Variants in HIVEP3 observed in about 807,000 individuals in gnomAD.
The protein encoded by HIVEP3 is transcription factor HIVEP3.
HIVEP3 carries 49 observed loss-of-function variants against 152.8 expected under a neutral mutation model. That is an observed-to-expected ratio of 0.32 (90% CI 0.26 to 0.41). HIVEP3 has a LOEUF of 0.41. Among genes scored for constraint, HIVEP3 ranks in the 10% least tolerant of loss-of-function variants. The pLI is 1.00. For missense variants in HIVEP3, 2,790 were observed against 3,103.3 expected (o/e 0.90, Z 2.40); for synonymous variants, 1,269 against 1,289.0 (o/e 0.98, Z 0.33).
intron 1 of HIVEP3, among the ~76,000 whole-genome samples, chr1:41,778,428 C>T (rs537935343): frequency 6.6e-6 from 1 of 152,198 alleles, no homozygotes; most frequent in Non-Finnish European, 1.5e-5. Context: ...CTGGCTACCA[C>T]GGGTCCCTGA....
Position 41,664,251 on chromosome 1 carries a change from G to A in HIVEP3, c.-720-35304C>T, listed in dbSNP as rs149865219. On this transcript the variant is annotated intron_variant, in intron 2 of 8. Coordinates refer to ENST00000372583, the MANE Select transcript of HIVEP3 (RefSeq NM_024503.5). This position sits in a 1 kb window ranked among gnomAD's most constrained non-coding sequence, Gnocchi z 4.4. ...CCCTGCCCCCACTGTCCTGCTTCCC[G>A]TTTTCTGTCTGAAAGCAACTCCAGG... 2.2e-3 allele frequency among the ~76,000 whole-genome samples: 341 copies of A among 152,272 alleles called. 3 individuals are homozygous for A. The highest frequency in any genetic ancestry group is 8.1e-3 in the African/African-American group (335 of 41,548).
chr1:41,971,398 T>G (rs1310484328), intron 1 of HIVEP3, among the ~76,000 whole-genome samples: 1 of 152,194 alleles, frequency 6.6e-6, no homozygotes, highest in African/African-American at 2.4e-5. Flanking sequence ...GATCACCGCC[T>G]ATTTTCCAGA....
At chr1:41,780,713 G>T (rs987806789) in intron 1 of HIVEP3, among the ~76,000 whole-genome samples, 11 of 152,282 alleles carry the variant, frequency 7.2e-5, no homozygotes, top group Non-Finnish European at 1.5e-4. Flanking sequence ...GCTTCTGTCT[G>T]GGGCTCGGGA....
rs139798092 is a variant in HIVEP3 at position 41,894,903 on chromosome 1, T to C, written c.-801+23510A>G. 4.6e-5 allele frequency among the ~76,000 whole-genome samples: 7 copies of C among 152,250 alleles called. No individual in the cohort carries two copies. In the East Asian group the frequency reaches 1.4e-3, roughly 29 times the overall value. On this transcript the variant is annotated intron_variant, in intron 1 of 8. Coordinates refer to ENST00000372583, the MANE Select transcript of HIVEP3 (RefSeq NM_024503.5). ...GCCTTACTAAGCAATCTAAAACACATACTCTAGAAGCACGCTGCAAGAGCT... is the reference window on the plus strand; with the variant it reads ...GCCTTACTAAGCAATCTAAAACACACACTCTAGAAGCACGCTGCAAGAGCT...
At chr1:41,751,546 C>A (rs1008518900) in intron 1 of HIVEP3, among the ~76,000 whole-genome samples, 3 of 152,020 alleles carry the variant, frequency 2.0e-5, no homozygotes, top group Admixed American at 2.0e-4. Context: ...GGGAAGTTCA[C>A]GAAATGAGCA....
At chr1:41,891,448 G>T (rs1329631051) in intron 1 of HIVEP3, among the ~76,000 whole-genome samples, 2 of 152,182 alleles carry the variant, frequency 1.3e-5, no homozygotes, top group African/African-American at 4.8e-5. Flanking sequence ...GTGTCACGGG[G>T]CAGAAGGGCT....
At chr1:41,575,222 T>C (rs941971) in intron 5 of HIVEP3, among the ~76,000 whole-genome samples, 42,426 of 152,152 alleles carry the variant, frequency 0.28, 7,266 homozygotes, top group Non-Finnish European at 0.39. Flanking sequence ...TTTGCTGGGA[T>C]ACTGGGATGG....
chr1:41,864,302 T>A (rs888010129), intron 1 of HIVEP3, among the ~76,000 whole-genome samples: 1 of 152,148 alleles, frequency 6.6e-6, no homozygotes, highest in African/African-American at 2.4e-5. Context: ...TTACAGAAAC[T>A]TAGAGGAGGT....
chr1:41,902,328 C>G (rs910174801), intron 1 of HIVEP3, among the ~76,000 whole-genome samples: 2 of 152,042 alleles, frequency 1.3e-5, no homozygotes, highest in African/African-American at 2.4e-5. Flanking sequence ...CCAGAGTGGT[C>G]GGTAGGAGAG....
chr1:41,758,388 G>T (rs918952054), intron 1 of HIVEP3, among the ~76,000 whole-genome samples: 5 of 152,170 alleles, frequency 3.3e-5, no homozygotes, highest in Non-Finnish European at 7.4e-5. Context: ...GCTGGGGGAG[G>T]ACACAGGACA....
At chr1:41,529,987 C>T (rs1485534022) in intron 5 of HIVEP3, among the ~76,000 whole-genome samples, 4 of 146,746 alleles carry the variant, frequency 2.7e-5, no homozygotes, top group Non-Finnish European at 6.0e-5. Flanking sequence ...CACCCATGCA[C>T]ACACACCACA....
chr1:41,774,631 A>C (rs1035292067), intron 1 of HIVEP3, among the ~76,000 whole-genome samples: 1 of 152,212 alleles, frequency 6.6e-6, no homozygotes, highest in Non-Finnish European at 1.5e-5. Context: ...AAAATAAATC[A>C]CATCTTTCCC....
intron 1 of HIVEP3, among the ~76,000 whole-genome samples, chr1:41,913,244 A>G (rs1644823644): frequency 6.6e-6 from 1 of 152,244 alleles, no homozygotes. Flanking sequence ...GCCTATGCAA[A>G]TATTTCTGCA....
chr1:42,006,617 A>AGT (rs1645461043), intron 1 of HIVEP3, among the ~76,000 whole-genome samples: 1 of 149,310 alleles, frequency 6.7e-6, no homozygotes, highest in Non-Finnish European at 1.5e-5. Flanking sequence ...TTCACACTTT[A>AGT]GTGAGTCTCT....
At chr1:41,797,177 C>T (rs1363901736) in intron 1 of HIVEP3, among the ~76,000 whole-genome samples, 1 of 152,210 alleles carries the variant, frequency 6.6e-6, no homozygotes, top group African/African-American at 2.4e-5. Flanking sequence ...ATTCCCAGGT[C>T]CCACACCTGG....
intron 5 of HIVEP3, among the ~76,000 whole-genome samples, chr1:41,562,635 C>CTTTCTT (rs1339783475): frequency 8.3e-4 from 79 of 95,740 alleles, no homozygotes; most frequent in African/African-American, 3.2e-3. Flanking sequence ...CTCTCTCTCC[C>CTTTCTT]TCTCTCTCTC....
At chr1:41,574,962 C>A (rs540442888) in intron 5 of HIVEP3, among the ~76,000 whole-genome samples, 1 of 152,344 alleles carries the variant, frequency 6.6e-6, no homozygotes, top group Non-Finnish European at 1.5e-5. Context: ...TTCCCAAAGT[C>A]AAGCATCAAA....
chr1:41,663,466 G>C (rs971470839), intron 2 of HIVEP3, among the ~76,000 whole-genome samples: 1 of 152,208 alleles, frequency 6.6e-6, no homozygotes, highest in African/African-American at 2.4e-5. Context: ...TTTCCAGGGG[G>C]ATCCTTGGAG....
rs1392035692 is a variant in HIVEP3 at position 41,662,319 on chromosome 1, GGGGCGGGCTGGC to G, written c.-720-33384_-720-33373del. 1.5e-4 allele frequency: 22 copies of G among 145,880 alleles called. No homozygotes were observed. Among genetic ancestry groups the G allele is most frequent in the Non-Finnish European group, 3.2e-4 (21 of 65,698 alleles). 9.0% of individuals were successfully genotyped at this position (145,880 alleles called of 1,614,324 possible). ...GGCCCACGCGGCGCGGGGTGGGCGC[GGGGCGGGCTGGC>G]GGGCGGGCGCCGGCGGCGGGCGCGG... On this transcript the variant is annotated intron_variant, in intron 2 of 8. Transcript: ENST00000372583. The surrounding 1 kb of genome is among the most constrained non-coding windows in gnomAD (Gnocchi z 7.2).
Sources: gnomAD v4.1 joint callset for allele counts (sites outside exome capture counted in the v4.1 genomes callset) on GRCh38, gnomAD v4.1.1 for gene constraint, Gnocchi (gnomAD v3.1) non-coding constraint, MANE v1.5 for transcripts, NCBI Gene and HGNC (gene_info 2026-07-23, HGNC 2026-07-21) for gene names.